Variants in NAV3 observed in about 807,000 individuals in gnomAD.
NAV3 encodes the protein pore membrane and/or filament interacting like protein 1.
In NAV3, 87 loss-of-function variants were observed where a neutral mutation model predicts 244.7. The observed-to-expected ratio is 0.36, with a 90% CI of 0.30 to 0.42. The LOEUF (loss-of-function observed/expected upper bound fraction) is 0.42. Ranked by LOEUF, NAV3 falls within the 20% of genes least tolerant of loss-of-function variation. The pLI is 1.00. For missense variants in NAV3, 2,663 were observed against 2,893.3 expected (o/e 0.92, Z 1.83); for synonymous variants, 1,126 against 1,042.2 (o/e 1.08, Z -1.55).
At position 77,902,756 on chromosome 12, in the gene NAV3, C is replaced by T. The variant is rs548282668; in HGVS notation, c.244-37563C>T. 2.6e-5 allele frequency among the ~76,000 whole-genome samples: 4 copies of T among 152,216 alleles called. No homozygotes were observed. In the South Asian group the frequency reaches 8.3e-4, roughly 32 times the overall value. ...TATCTAGAAAACCCCATCGTCTCAG[C>T]CCAAAATCTCCTTAAGCTGATAGAC... On this transcript the variant is annotated intron_variant, in intron 1 of 39. Coordinates refer to ENST00000397909, the MANE Select transcript of NAV3 (RefSeq NM_001024383.2).
chr12:78,176,236 A>C (rs1231931287), intron 25 of NAV3, among the ~76,000 whole-genome samples: 1 of 152,034 alleles, frequency 6.6e-6, no homozygotes, highest in Non-Finnish European at 1.5e-5. Flanking sequence ...TAATACCAAA[A>C]AAAAAATGTA....
At chr12:77,681,263 A>G (rs1228016190) in intron 2 of NAV3, among the ~76,000 whole-genome samples, 1 of 152,238 alleles carries the variant, frequency 6.6e-6, no homozygotes, top group Admixed American at 6.5e-5. Context: ...CAGTTCAGAA[A>G]ACATGATTTG....
intron 30 of NAV3, 36 bp from the exon 31 acceptor site, chr12:78,185,565 T>C (rs771687706): frequency 9.1e-6 from 14 of 1,544,190 alleles, no homozygotes; most frequent in Non-Finnish European, 1.2e-5. Context: ...GCTAATGTTA[T>C]ACTGTTGTGT....
intron 1 of NAV3, among the ~76,000 whole-genome samples, chr12:77,925,767 C>A (rs1204856466): frequency 6.6e-6 from 1 of 152,106 alleles, no homozygotes; most frequent in Non-Finnish European, 1.5e-5. Flanking sequence ...CTGCAGAAAG[C>A]TGATACATAA....
chr12:77,796,689 A>G (rs1871421663), intron 2 of NAV3, among the ~76,000 whole-genome samples: 1 of 152,206 alleles, frequency 6.6e-6, no homozygotes, highest in Admixed American at 6.5e-5. Context: ...TTAAGAGATT[A>G]CCACAGCCAC....
At chr12:78,160,400 CG>C (rs1957484287) in intron 23 of NAV3, among the ~76,000 whole-genome samples, 1 of 139,128 alleles carries the variant, frequency 7.2e-6, no homozygotes, top group African/African-American at 2.7e-5. Context: ...TGTGTGTGTG[CG>C]TGCGTGTGTG....
intron 2 of NAV3, among the ~76,000 whole-genome samples, chr12:77,574,295 A>G (rs577862220): frequency 3.9e-5 from 6 of 152,266 alleles, no homozygotes; most frequent in African/African-American, 1.4e-4. Flanking sequence ...GAAACTTGGT[A>G]TGTATAGATA....
At chr12:77,708,710 T>C (rs1875956400) in intron 2 of NAV3, among the ~76,000 whole-genome samples, 1 of 152,218 alleles carries the variant, frequency 6.6e-6, no homozygotes, top group African/African-American at 2.4e-5. Context: ...TGTTCTTCCA[T>C]TTGTTTGTGT....
At chr12:77,709,648 C>T (rs1876009530) in intron 2 of NAV3, among the ~76,000 whole-genome samples, 1 of 152,132 alleles carries the variant, frequency 6.6e-6, no homozygotes. Flanking sequence ...CATTTGACAA[C>T]TTAAAAACTA....
intron 7 of NAV3, among the ~76,000 whole-genome samples, chr12:77,999,287 T>G (rs1872841627): frequency 6.6e-6 from 1 of 152,196 alleles, no homozygotes; most frequent in Admixed American, 6.5e-5. Context: ...GGAAGTATTT[T>G]CAAATCAATA....
intron 2 of NAV3, among the ~76,000 whole-genome samples, chr12:77,812,590 T>G (rs1194909458): frequency 6.6e-6 from 1 of 151,712 alleles, no homozygotes; most frequent in Admixed American, 6.6e-5. Context: ...AATTTTTGTC[T>G]CGTTAGTAGA....
chr12:77,912,927 C>T (rs1451111769), intron 1 of NAV3, among the ~76,000 whole-genome samples: 3 of 152,044 alleles, frequency 2.0e-5, no homozygotes, highest in Non-Finnish European at 4.4e-5. Flanking sequence ...TTTTCAAGAA[C>T]TGAGAAATAA....
chr12:78,122,687 A>G (rs1955727507), intron 16 of NAV3, among the ~76,000 whole-genome samples: 1 of 152,214 alleles, frequency 6.6e-6, no homozygotes, highest in African/African-American at 2.4e-5. Flanking sequence ...ATAAAATTCA[A>G]GGAATGTATT....
At chr12:77,893,080 A>G (rs113965058) in intron 1 of NAV3, among the ~76,000 whole-genome samples, 1 of 152,172 alleles carries the variant, frequency 6.6e-6, no homozygotes, top group Non-Finnish European at 1.5e-5. Flanking sequence ...TGAATTAGTT[A>G]TAAGAATTTC....
At chr12:78,104,985 C>A (rs948278814) in intron 12 of NAV3, among the ~76,000 whole-genome samples, 18 of 152,184 alleles carry the variant, frequency 1.2e-4, no homozygotes, top group Non-Finnish European at 2.4e-4. Flanking sequence ...TTTTTGTTCA[C>A]AATGCTGAGT....
intron 1 of NAV3, among the ~76,000 whole-genome samples, chr12:77,902,004 A>G (rs1565904478): frequency 6.6e-6 from 1 of 152,202 alleles, no homozygotes; most frequent in Admixed American, 6.5e-5. Flanking sequence ...GAATTTAATA[A>G]GTGATTTTCT....
chr12:77,776,500 C>G (rs1042518959), intron 2 of NAV3, among the ~76,000 whole-genome samples: 5 of 152,150 alleles, frequency 3.3e-5, no homozygotes, highest in African/African-American at 1.2e-4. Context: ...TTTTAGGTAA[C>G]AAATTCCAGC....
intron 12 of NAV3, among the ~76,000 whole-genome samples, chr12:78,099,609 T>C (rs1303055093): frequency 1.3e-5 from 2 of 151,920 alleles, no homozygotes; most frequent in African/African-American, 2.4e-5. Flanking sequence ...TCATATGTTA[T>C]ATTCTAAACT....
At chr12:77,860,265 G>A (rs1879067096) in intron 1 of NAV3, among the ~76,000 whole-genome samples, 1 of 151,076 alleles carries the variant, frequency 6.6e-6, no homozygotes. Flanking sequence ...TAAGGATCAA[G>A]GGTAGAGATG....
Sources: gnomAD v4.1 joint callset for allele counts (sites outside exome capture counted in the v4.1 genomes callset) on GRCh38, gnomAD v4.1.1 for gene constraint, MANE v1.5 for transcripts, NCBI Gene and HGNC (gene_info 2026-07-23, HGNC 2026-07-21) for gene names.